OXSR1: variants seen among roughly 807,000 people sequenced by gnomAD.
The protein encoded by OXSR1 is serine/threonine-protein kinase OSR1.
Under a neutral mutation model 79.8 loss-of-function variants are expected in OXSR1, and 24 were observed. That is an observed-to-expected ratio of 0.30 (90% CI 0.22 to 0.42). The LOEUF (loss-of-function observed/expected upper bound fraction) is 0.42. Among genes scored for constraint, OXSR1 ranks in the 10% least tolerant of loss-of-function variants. OXSR1 has a pLI of 1.00. For synonymous variants in OXSR1, 226 were observed against 209.2 expected, an observed-to-expected ratio of 1.08 and a Z score of -0.69; for missense variants, 430 against 618.4, an observed-to-expected ratio of 0.70 and a Z score of 3.23.
intron 4 of OXSR1, among the ~76,000 whole-genome samples, chr3:38,202,513 G>A (rs1702183200): frequency 6.6e-6 from 1 of 152,144 alleles, no homozygotes; most frequent in African/African-American, 2.4e-5. Flanking sequence ...TCTAGTAGCT[G>A]GAACTACAGG....
chr3:38,227,133 A>T (rs1332992499), intron 8 of OXSR1, among the ~76,000 whole-genome samples: 1 of 152,236 alleles, frequency 6.6e-6, no homozygotes, highest in African/African-American at 2.4e-5. Context: ...GAACATTGCT[A>T]AGTTAAAATA....
chr3:38,203,796 C>T (rs1376745370), intron 4 of OXSR1, among the ~76,000 whole-genome samples: 1 of 152,152 alleles, frequency 6.6e-6, no homozygotes, highest in Non-Finnish European at 1.5e-5. Context: ...GAAGACATCA[C>T]AGCACTGAGT....
chr3:38,201,436 C>A (rs1230323444), intron 4 of OXSR1, among the ~76,000 whole-genome samples: 1 of 151,906 alleles, frequency 6.6e-6, no homozygotes, highest in Non-Finnish European at 1.5e-5. Context: ...ACGGGCCAGG[C>A]ATGGTGACTC....
chr3:38,250,325 T>C (rs1030837301), intron 15 of OXSR1: 15 of 281,586 alleles, frequency 5.3e-5, no homozygotes, highest in African/African-American at 3.4e-4. Flanking sequence ...GAAAAATTAT[T>C]ATCCCCATAG....
At chr3:38,209,004 A>C (rs1414954840) in intron 4 of OXSR1, among the ~76,000 whole-genome samples, 1 of 151,346 alleles carries the variant, frequency 6.6e-6, no homozygotes, top group East Asian at 1.9e-4. Flanking sequence ...GCGTGCGCGC[A>C]TGTGCATGTT....
chr3:38,250,160 G>C, intron 15 of OXSR1, 142 bp downstream of exon 15: 1 of 621,170 alleles, frequency 1.6e-6, no homozygotes, highest in East Asian at 2.8e-5. Flanking sequence ...ATATGAGTGA[G>C]ATAAAAATGC....
Position 38,213,622 on chromosome 3 carries a change from T to C in OXSR1, c.435-2474T>C, listed in dbSNP as rs974326543. On this transcript the variant is annotated intron_variant, in intron 4 of 17. Coordinates refer to ENST00000311806, the MANE Select transcript of OXSR1 (RefSeq NM_005109.3). ...TTGTAGCAAAAGTACTGAACTAATA[T>C]AAGATGTTAATAATAGGGGAAACTA... 2.0e-5 allele frequency among the ~76,000 whole-genome samples: 3 copies of C among 152,330 alleles called. No homozygotes were observed. The East Asian group carries it at 5.8e-4, about 29-fold the overall frequency.
At chr3:38,189,515 T>A (rs1701945046) in intron 2 of OXSR1, among the ~76,000 whole-genome samples, 1 of 152,200 alleles carries the variant, frequency 6.6e-6, no homozygotes, top group South Asian at 2.1e-4. Context: ...TGCATTCAAG[T>A]AAAGATGATG....
chr3:38,228,524 G>C (rs1702737602), intron 8 of OXSR1, among the ~76,000 whole-genome samples: 1 of 152,162 alleles, frequency 6.6e-6, no homozygotes, highest in African/African-American at 2.4e-5. Context: ...GCCAATTAAA[G>C]ATTCTGCTTT....
chr3:38,188,946 T>C (rs1171417620), intron 2 of OXSR1, among the ~76,000 whole-genome samples: 1 of 152,196 alleles, frequency 6.6e-6, no homozygotes, highest in Non-Finnish European at 1.5e-5. Flanking sequence ...CTCCCCATGT[T>C]GATCGAGTAC....
rs368399255 is a variant in OXSR1, at chr3:38,184,834, A to G, written c.183+1719A>G. Reference sequence around the variant, plus strand: ...AATCAGGTCTTTCTGACTTAAGTCTATTATTGTCTGCTTAGTATAGTACTA... The same window carrying G: ...AATCAGGTCTTTCTGACTTAAGTCTGTTATTGTCTGCTTAGTATAGTACTA... On this transcript the variant is annotated intron_variant, in intron 2 of 17. Coordinates refer to ENST00000311806, the MANE Select transcript of OXSR1 (RefSeq NM_005109.3). Among the ~76,000 whole-genome samples, 77 of 132,446 alleles carry G rather than the reference A, an allele frequency of 5.8e-4. 1 individual carries two copies. In the South Asian group the frequency reaches 0.018, roughly 31 times the overall value. 86.9% of individuals were successfully genotyped at this position (132,446 alleles called of 152,430 possible). A position where few individuals can be genotyped will look rare whatever the true frequency, so the allele number is the denominator to read the frequency against.
intron 3 of OXSR1, 114 bp from the exon 4 acceptor site, chr3:38,198,608 A>G: frequency 1.5e-6 from 1 of 678,286 alleles, no homozygotes; most frequent in Non-Finnish European, 2.3e-6. Flanking sequence ...TGTTTTTTTC[A>G]TTTCTGCACA....
intron 13 of OXSR1, 50 bp from the exon 14 acceptor site, chr3:38,247,618 C>T (rs762560266): frequency 8.3e-6 from 11 of 1,328,738 alleles, no homozygotes; most frequent in East Asian, 4.6e-5. Flanking sequence ...TTAGTCACCT[C>T]CCCACTTAAT....
intron 1 of OXSR1, among the ~76,000 whole-genome samples, chr3:38,171,718 T>A (rs1199194038): frequency 6.6e-6 from 1 of 152,202 alleles, no homozygotes; most frequent in Admixed American, 6.5e-5. Context: ...TTGGCAAGAT[T>A]TGAAGTTCTT....
chr3:38,173,631 A>G (rs1330205008), intron 1 of OXSR1, among the ~76,000 whole-genome samples: 1 of 152,254 alleles, frequency 6.6e-6, no homozygotes, highest in Non-Finnish European at 1.5e-5. Context: ...ACATGATGGT[A>G]ACGATGAAAT....
intron 12 of OXSR1, among the ~76,000 whole-genome samples, chr3:38,244,253 A>G (rs988428966): frequency 1.3e-5 from 2 of 152,056 alleles, no homozygotes; most frequent in African/African-American, 2.4e-5. Context: ...TCTCATGCTC[A>G]TTACTTTGTT....
chr3:38,244,763 G>T (rs1703107144), intron 12 of OXSR1, among the ~76,000 whole-genome samples: 1 of 151,972 alleles, frequency 6.6e-6, no homozygotes, highest in Admixed American at 6.6e-5. Context: ...CAACATAGGT[G>T]TACAAGTATC....
intron 2 of OXSR1, among the ~76,000 whole-genome samples, chr3:38,188,214 AC>A (rs1701918874): frequency 1.3e-5 from 2 of 151,942 alleles, no homozygotes; most frequent in Non-Finnish European, 2.9e-5. Flanking sequence ...CCACAATTTG[AC>A]CCTAACTCTT....
chr3:38,171,155 A>G (rs1270200547), intron 1 of OXSR1, among the ~76,000 whole-genome samples: 1 of 152,172 alleles, frequency 6.6e-6, no homozygotes, highest in Non-Finnish European at 1.5e-5. Flanking sequence ...TCTGCTCCTG[A>G]CAGCCTCTCT....
Sources: allele counts gnomAD v4.1 joint callset (sites outside exome capture counted in the v4.1 genomes callset), GRCh38; gene constraint gnomAD v4.1.1; transcripts MANE v1.5; gene names NCBI Gene and HGNC (gene_info 2026-07-23, HGNC 2026-07-21).